ORC5: variants seen among roughly 807,000 people sequenced by gnomAD.
The protein encoded by ORC5 is origin recognition complex subunit 5.
In ORC5, 39 loss-of-function variants were observed where a neutral mutation model predicts 58.8. The ratio of observed to expected loss-of-function variants is 0.66; its 90% CI spans 0.51 to 0.87. The LOEUF is 0.87. Among genes scored for constraint, ORC5 ranks in the 40% least tolerant of loss-of-function variants. ORC5 has a pLI of 0.00. For synonymous variants in ORC5, 218 were observed against 177.6 expected (o/e 1.23, Z -1.81); for missense variants, 493 against 506.3 (o/e 0.97, Z 0.25).
intron 12 of ORC5, among the ~76,000 whole-genome samples, chr7:104,145,093 T>C (rs1212433998): frequency 1.3e-5 from 2 of 152,128 alleles, no homozygotes; most frequent in East Asian, 1.9e-4. Context: ...TGGGGGACAG[T>C]AAATATTGCT....
chr7:104,189,758 G>A (rs1170787423), intron 5 of ORC5, among the ~76,000 whole-genome samples: 3 of 151,978 alleles, frequency 2.0e-5, no homozygotes, highest in South Asian at 2.1e-4. Flanking sequence ...TGTTCATCTG[G>A]CTGTTCATTT....
At chr7:104,163,043 T>G (rs1254600484) in intron 11 of ORC5, among the ~76,000 whole-genome samples, 1 of 152,212 alleles carries the variant, frequency 6.6e-6, no homozygotes, top group Non-Finnish European at 1.5e-5. Context: ...CTTACAGAAT[T>G]CCATTTTATG....
rs368195311 is a variant in ORC5, at chr7:104,168,487, G to A, written c.863C>T (p.Pro288Leu). The A allele has an allele frequency of 4.3e-5, 69 of 1,596,280 alleles. No homozygotes were observed. Among genetic ancestry groups the A allele is most frequent in the East Asian group, 9.0e-5 (4 of 44,286 alleles). ...TCCTCTGATACCTTTCAGTTGCCCC[G>A]GATCTGTGTCATCTTTCTGTAGCTT... Reference protein sequence around the residue: ...WEKLQKDDTDPGQLKGLSAHT... With the variant: ...WEKLQKDDTDLGQLKGLSAHT... The change falls in exon 9 of 14, where the codon CCG (proline) becomes CTG (leucine). Residue 288 changes from proline to leucine, a missense_variant. Pro to Leu is a moderately conservative substitution (Grantham distance 98, BLOSUM62 -3). Transcript: ENST00000297431.
At chr7:104,207,659 A>G (rs1352088169) in intron 1 of ORC5, among the ~76,000 whole-genome samples, 174 bp downstream of exon 1, 1 of 152,168 alleles carries the variant, frequency 6.6e-6, no homozygotes, top group African/African-American at 2.4e-5. Context: ...CTCCTCTTCA[A>G]TATTCGGAAG....
chr7:104,127,709 C>A (rs1798450865), intron 13 of ORC5, among the ~76,000 whole-genome samples: 1 of 152,170 alleles, frequency 6.6e-6, no homozygotes, highest in Non-Finnish European at 1.5e-5. Context: ...ATTAAACCAT[C>A]ATCAATTAAT....
At position 104,207,758 on chromosome 7, in the gene ORC5, A is replaced by G. The variant is rs1033200116; in HGVS notation, c.72+75T>C. The G allele has an allele frequency of 4.8e-6, 7 of 1,444,536 alleles. No homozygotes were observed. The African/African-American group carries it at 8.4e-5, about 17-fold the overall frequency. The allele number at this position is 1,444,536 out of a possible 1,614,324, so 89.5% of individuals were successfully genotyped here. A position where few individuals can be genotyped will look rare whatever the true frequency, so the allele number is the denominator to read the frequency against. On this transcript the variant is annotated intron_variant, in intron 1 of 13. Coordinates refer to ENST00000297431, the MANE Select transcript of ORC5 (RefSeq NM_002553.4). ...TGGCCCTCAATCCAAACACGAAAAA[A>G]CAAATATTGGAACAGGTCGCAAGAC...
chr7:104,139,876 A>G (rs1798645567), intron 12 of ORC5, among the ~76,000 whole-genome samples: 1 of 152,014 alleles, frequency 6.6e-6, no homozygotes, highest in South Asian at 2.1e-4. Flanking sequence ...CATTTTTAAA[A>G]TCTGCCTGAT....
chr7:104,173,061 C>G (rs2115907724), intron 8 of ORC5, among the ~76,000 whole-genome samples: 1 of 150,348 alleles, frequency 6.7e-6, no homozygotes, highest in East Asian at 1.9e-4. Context: ...ACAAGTAGAG[C>G]CAGGGAGGGC....
intron 6 of ORC5, among the ~76,000 whole-genome samples, chr7:104,186,815 T>G (rs1467615169): frequency 6.6e-6 from 1 of 152,182 alleles, no homozygotes; most frequent in Non-Finnish European, 1.5e-5. Flanking sequence ...AAGGATCCTT[T>G]TCTCTATTAT....
chr7:104,178,011 A>G (rs1799357969), intron 8 of ORC5, among the ~76,000 whole-genome samples: 1 of 152,176 alleles, frequency 6.6e-6, no homozygotes, highest in South Asian at 2.1e-4. Context: ...TGCTATTGTG[A>G]ATAGTGCTGC....
intron 6 of ORC5, among the ~76,000 whole-genome samples, chr7:104,185,741 CT>C (rs1246191038): frequency 3.3e-5 from 5 of 152,028 alleles, no homozygotes; most frequent in African/African-American, 1.2e-4. Context: ...TGGAATTCTA[CT>C]GAACAGCAGT....
At position 104,188,380 on chromosome 7, in the gene ORC5, G is replaced by GCCTGTTCACAGGACA. The variant is rs1429035550; in HGVS notation, c.554-14_554dup (p.Gly185_Asn186insValLeuTer). 1.9e-6 allele frequency: 3 copies of GCCTGTTCACAGGACA among 1,605,644 alleles called. No individual in the cohort carries two copies. Among genetic ancestry groups the GCCTGTTCACAGGACA allele is most frequent in the Non-Finnish European group, 2.6e-6 (3 of 1,173,674 alleles). On this transcript the variant is annotated stop_gained and inframe_insertion and splice_region_variant, in exon 6 of 14. Transcript: ENST00000297431. LOFTEE classifies it high-confidence loss of function. ...CATGGGACAGGATCTTTTGAAGGTT[G>GCCTGTTCACAGGACA]CCTGTTCACAGGACACAAAATAACT...
chr7:104,165,453 G>T (rs1256579928), intron 10 of ORC5, 171 bp from the exon 11 acceptor site: 2 of 452,734 alleles, frequency 4.4e-6, no homozygotes, highest in Non-Finnish European at 7.8e-6. Context: ...CATATTTTAG[G>T]CCAATTTCGT....
At chr7:104,165,066 C>T (rs1401773526) in intron 11 of ORC5, among the ~76,000 whole-genome samples, 169 bp downstream of exon 11, 1 of 152,140 alleles carries the variant, frequency 6.6e-6, no homozygotes, top group Non-Finnish European at 1.5e-5. Context: ...CCTAAATGTG[C>T]ATTCAATCAC....
At position 104,207,982 on chromosome 7, in the gene ORC5, G is replaced by A. The variant is rs1217595653; in HGVS notation, c.-78C>T. ...ACAAGACGGAGCCTCTCCCGAGTCTGGCGGCCCACGCTCCCGCCGGAAACC... is the reference window on the plus strand; with the variant it reads ...ACAAGACGGAGCCTCTCCCGAGTCTAGCGGCCCACGCTCCCGCCGGAAACC... On this transcript the variant is annotated 5_prime_UTR_variant, in exon 1 of 14. Coordinates refer to ENST00000297431, the MANE Select transcript of ORC5 (RefSeq NM_002553.4). 5 of 1,375,962 alleles carry A rather than the reference G, an allele frequency of 3.6e-6. No homozygotes were observed. The highest frequency in any genetic ancestry group is 5.1e-6 in the Non-Finnish European group (5 of 973,000). 85.2% of individuals were successfully genotyped at this position (1,375,962 alleles called of 1,614,324 possible). A position where few individuals can be genotyped will look rare whatever the true frequency, so the allele number is the denominator to read the frequency against.
intron 11 of ORC5, among the ~76,000 whole-genome samples, chr7:104,164,080 C>T (rs77587909): frequency 0.03 from 4,527 of 152,188 alleles, 195 homozygotes; most frequent in African/African-American, 0.1. Flanking sequence ...ATTTTGCTAT[C>T]GAATTTTTGT....
intron 12 of ORC5, among the ~76,000 whole-genome samples, chr7:104,147,218 C>T (rs1000162875): frequency 1.6e-5 from 2 of 128,490 alleles, no homozygotes; most frequent in African/African-American, 6.5e-5. Flanking sequence ...GGCTCAGACT[C>T]AAGGAGGATT....
chr7:104,183,463 A>C (rs1358367439), intron 8 of ORC5, among the ~76,000 whole-genome samples: 1 of 152,234 alleles, frequency 6.6e-6, no homozygotes, highest in Non-Finnish European at 1.5e-5. Flanking sequence ...AAGTTGTCAG[A>C]ATCAAAATGG....
chr7:104,131,567 C>A lies in ORC5; in HGVS notation c.1263-4674G>T, dbSNP rs574669420. On this transcript the variant is annotated intron_variant, in intron 13 of 13. Transcript: ENST00000297431. The stretch of plus-strand genomic sequence containing the variant: ...CCCTTCAGCAGTTATAATCCTCTCT[C>A]TTGGCCAGACACAGTGGCTGATGCC... Among the ~76,000 whole-genome samples, 263 of 152,262 alleles carry A rather than the reference C, an allele frequency of 1.7e-3. 1 individual carries two copies. Among genetic ancestry groups the A allele is most frequent in the Non-Finnish European group, 3.0e-3 (203 of 68,020 alleles).
Sources: allele counts gnomAD v4.1 joint callset (sites outside exome capture counted in the v4.1 genomes callset), GRCh38; gene constraint gnomAD v4.1.1; transcripts MANE v1.5; gene names NCBI Gene and HGNC (gene_info 2026-07-23, HGNC 2026-07-21).